Variants in ACACB observed in about 807,000 individuals in gnomAD.
ACACB encodes acetyl-CoA carboxylase beta.
ACACB carries 209 observed loss-of-function variants against 278.8 expected under a neutral mutation model. The observed-to-expected ratio is 0.75, with a 90% confidence interval of 0.67 to 0.84. The LOEUF is 0.84. Among genes scored for constraint, ACACB ranks in the 40% least tolerant of loss-of-function variants. The pLI is 0.00. For missense variants in ACACB, 2,850 were observed against 3,269.0 expected, an observed-to-expected ratio of 0.87 and a Z score of 3.13; for synonymous variants, 1,174 against 1,285.6, an observed-to-expected ratio of 0.91 and a Z score of 1.86.
rs2045607226 is a variant in ACACB at position 109,209,173 on chromosome 12, G to A, written c.3069G>A (p.Glu1023=). The A allele has an allele frequency of 1.3e-6, 2 of 1,599,808 alleles. No individual in the cohort carries two copies. Among genetic ancestry groups the A allele is most frequent in the South Asian group, 2.3e-5 (2 of 88,720 alleles). The change falls in exon 21 of 53, where the codon GAG becomes GAA. Residue 1023 remains glutamate (E), a synonymous_variant. Coordinates refer to ENST00000338432, the MANE Select transcript of ACACB (RefSeq NM_001093.4). ...PEPVFSIKLK[E]WVQKLMMTLR... is the part of the protein sequence containing the mutation. ...TGTGGTCCCCGCTTCAGCTGAAGGA[G>A]TGGGTGCAGAAGCTCATGATGACCC...
chr12:109,173,332 A>G (rs2044178470), intron 6 of ACACB, among the ~76,000 whole-genome samples: 1 of 152,226 alleles, frequency 6.6e-6, no homozygotes, highest in Non-Finnish European at 1.5e-5. Context: ...TAGGGGAATC[A>G]TTTACTATCA....
rs76702989 is a variant in ACACB at position 109,265,349 on chromosome 12, G to C, written c.7114-40G>C. 2.7e-3 allele frequency: 4,358 copies of C among 1,611,478 alleles called. 100 individuals carry two copies. The African/African-American group carries it at 0.051, about 19-fold the overall frequency. ...TGGGGGCTGAGACAGCTGGCCCACA[G>C]CTGGGTCCCTCTCTGAGGCATCCTC... On this transcript the variant is annotated intron_variant, in intron 51 of 52. Transcript: ENST00000338432.
At chr12:109,235,221 T>G in intron 31 of ACACB, 92 bp from the exon 32 acceptor site, 1 of 1,061,250 alleles carries the variant, frequency 9.4e-7, no homozygotes, top group South Asian at 1.3e-5. Flanking sequence ...AGCATAATGT[T>G]TACAGGTTCA....
intron 2 of ACACB, among the ~76,000 whole-genome samples, chr12:109,144,997 G>A (rs913003138): frequency 4.6e-5 from 7 of 152,022 alleles, no homozygotes; most frequent in African/African-American, 9.7e-5. Context: ...TCCTGACGTC[G>A]TGATCCACCT....
chr12:109,195,938 C>A (rs1177920222), intron 16 of ACACB, among the ~76,000 whole-genome samples: 1 of 152,172 alleles, frequency 6.6e-6, no homozygotes. Context: ...TTAGGGGTCA[C>A]CGTATCAGAC....
At chr12:109,218,460 G>A (rs765051863) in intron 24 of ACACB, among the ~76,000 whole-genome samples, 1 of 152,134 alleles carries the variant, frequency 6.6e-6, no homozygotes, top group Non-Finnish European at 1.5e-5. Context: ...CCGCGCTCAA[G>A]CAATCCTCCT....
rs146916735 is a variant in ACACB at position 109,232,760 on chromosome 12, C to G, written c.4093C>G (p.Arg1365Gly). The G allele has an allele frequency of 6.2e-7, 1 of 1,614,128 alleles. No homozygotes were observed. Among genetic ancestry groups the G allele is most frequent in the Non-Finnish European group, 8.5e-7 (1 of 1,180,028 alleles). The change falls in exon 29 of 53, where the codon CGC (arginine) becomes GGC (glycine). Residue 1365 changes from arginine (R) to glycine (G), a missense_variant. Arg to Gly is a moderately radical substitution (Grantham distance 125). Around this residue, in one of 3 missense-constraint regions of ACACB, gnomAD observed 2,265 missense variants for 2,561.3 expected, o/e 0.88. Transcript: ENST00000338432. ...MDSGFSPLCQ[R>G]MGAMVAFRRF... Reference sequence around the variant, plus strand: ...CAGCGGCTTCTCCCCACTGTGCCAGCGCATGGGAGCCATGGTAGCCTTCAG... The same window carrying G: ...CAGCGGCTTCTCCCCACTGTGCCAGGGCATGGGAGCCATGGTAGCCTTCAG...
At chr12:109,117,332 CCTGA>C (rs982696552) in intron 1 of ACACB, among the ~76,000 whole-genome samples, 1 of 145,388 alleles carries the variant, frequency 6.9e-6, no homozygotes, top group African/African-American at 2.5e-5. Flanking sequence ...TGCATTCCAG[CCTGA>C]CTGACAGAGC....
chr12:109,162,817 C>T (rs1455517019), intron 2 of ACACB, among the ~76,000 whole-genome samples: 3 of 152,328 alleles, frequency 2.0e-5, no homozygotes, highest in South Asian at 2.1e-4. Context: ...CCTCACCCTA[C>T]ATTGAGCTCA....
chr12:109,132,809 G>A (rs370592711), intron 1 of ACACB, among the ~76,000 whole-genome samples: 25 of 152,282 alleles, frequency 1.6e-4, no homozygotes, highest in African/African-American at 6.0e-4. Flanking sequence ...GGTAACCCTG[G>A]CAAGGAAGGT....
chr12:109,141,666 A>G (rs2043129272), intron 2 of ACACB, among the ~76,000 whole-genome samples: 1 of 152,200 alleles, frequency 6.6e-6, no homozygotes, highest in Admixed American at 6.5e-5. Context: ...ATACATGTCC[A>G]TGTTAGCAGT....
chr12:109,214,436 C>T (rs945116396), intron 22 of ACACB, among the ~76,000 whole-genome samples: 1 of 152,110 alleles, frequency 6.6e-6, no homozygotes, highest in African/African-American at 2.4e-5. Context: ...GTGGATTCCC[C>T]ACAAACTGCA....
chr12:109,244,798 A>G (rs2046895325), intron 37 of ACACB, among the ~76,000 whole-genome samples: 1 of 152,176 alleles, frequency 6.6e-6, no homozygotes, highest in Non-Finnish European at 1.5e-5. Context: ...ATCTATGTCT[A>G]TATCTATCTA....
chr12:109,139,945 T>C lies in ACACB; in HGVS notation c.540T>C (p.Val180=), dbSNP rs141464156. The C allele has an allele frequency of 1.2e-6, 2 of 1,614,040 alleles. No individual in the cohort carries two copies. The highest frequency in any genetic ancestry group is 2.7e-5 in the African/African-American group (2 of 74,944). The change falls in exon 2 of 53, where the codon GTT becomes GTC. Residue 180 remains valine, a synonymous_variant. Transcript: ENST00000338432. ...ACTACTCCTCCGACGAGGACTCTGTTGCTGGCTCATCTCGTGAGTCTACCC... is the reference window on the plus strand; with the variant it reads ...ACTACTCCTCCGACGAGGACTCTGTCGCTGGCTCATCTCGTGAGTCTACCC... The part of the protein sequence containing the change: ...FDDYSSDEDS[V]AGSSRESTRK...
chr12:109,232,876 C>A lies in ACACB; in HGVS notation c.4139+70C>A, dbSNP rs148081803. ...GGGCAGACTTCCCTTGAATCCCCCC[C>A]CAATTCACTGGACAGATGGGGTGGG... On this transcript the variant is annotated intron_variant, in intron 29 of 52. Transcript: ENST00000338432. 37 of 1,580,362 alleles carry A rather than the reference C, an allele frequency of 2.3e-5. No individual in the cohort carries two copies. The Admixed American group carries it at 5.1e-4, about 22-fold the overall frequency.
chr12:109,264,965 G>T (rs2047474988), intron 50 of ACACB, 145 bp from the exon 51 acceptor site: 8 of 905,866 alleles, frequency 8.8e-6, no homozygotes, highest in Admixed American at 2.5e-5. Context: ...TCCTCCCTGA[G>T]CCTCAGCTTA....
rs925498602 is a variant in ACACB, at chr12:109,265,381, C to T, written c.7114-8C>T. ...CCCTCTCTGAGGCATCCTCTGCCCC[C>T]TCCCCAGGCCTACTTGTGGGACAAC... On this transcript the variant is annotated splice_region_variant and splice_polypyrimidine_tract_variant and intron_variant, in intron 51 of 52. Coordinates refer to ENST00000338432, the MANE Select transcript of ACACB (RefSeq NM_001093.4). 1.2e-5 allele frequency: 19 copies of T among 1,613,488 alleles called. No individual in the cohort carries two copies. Among genetic ancestry groups the T allele is most frequent in the Non-Finnish European group, 1.6e-5 (19 of 1,179,830 alleles).
rs532259531 is a variant in ACACB, at chr12:109,265,130, C to T, written c.6963C>T (p.Thr2321=). 1.5e-5 allele frequency: 24 copies of T among 1,611,432 alleles called. No homozygotes were observed. The highest frequency in any genetic ancestry group is 1.7e-4 in the Middle Eastern group (1 of 6,050). The change falls in exon 51 of 53, where the codon ACC becomes ACT. Residue 2321 remains threonine (T), a synonymous_variant. Coordinates refer to ENST00000338432, the MANE Select transcript of ACACB (RefSeq NM_001093.4). ...GVISDILEWK[T]ARTFLYWRLR... ...CACAGGACATCCTGGAGTGGAAGAC[C>T]GCACGCACCTTCCTGTATTGGCGTC...
At chr12:109,116,261 G>C (rs1219031976), upstream of ACACB, among the ~76,000 whole-genome samples, 1 of 152,188 alleles carries the variant, frequency 6.6e-6, no homozygotes, top group Non-Finnish European at 1.5e-5. Context: ...ATGGGGGCTT[G>C]TTTCTCAAAT....
Sources: gnomAD v4.1 joint callset for allele counts (sites outside exome capture counted in the v4.1 genomes callset) on GRCh38, gnomAD v4.1.1 for gene constraint, gnomAD v4.1.1 regional missense constraint, MANE v1.5 for transcripts, NCBI Gene and HGNC (gene_info 2026-07-23, HGNC 2026-07-21) for gene names.